The following TRHDE variants were observed in gnomAD, a reference collection of about 807,000 sequenced individuals.
The protein encoded by TRHDE is thyrotropin releasing hormone degrading enzyme.
A neutral mutation model predicts 125.7 loss-of-function variants in TRHDE; 72 were observed. The observed-to-expected ratio is 0.57, with a 90% CI of 0.47 to 0.70. TRHDE has a LOEUF of 0.70. TRHDE is among the 30% of genes least tolerant of loss of function. The probability of loss-of-function intolerance (pLI) is 0.00; values close to 1 mark genes in which losing one functional copy is unlikely to be tolerated. For synonymous variants in TRHDE, 509 were observed against 509.1 expected, an observed-to-expected ratio of 1.00 and a Z score of 0.00; for missense variants, 1,110 against 1,327.1, an observed-to-expected ratio of 0.84 and a Z score of 2.54.
At chr12:72,486,262 C>T (rs914588886) in intron 5 of TRHDE, among the ~76,000 whole-genome samples, 1 of 152,158 alleles carries the variant, frequency 6.6e-6, no homozygotes, top group African/African-American at 2.4e-5. Flanking sequence ...GAAAGTGAAG[C>T]TGCACCTCAA....
At chr12:72,305,916 T>C (rs1351931215) in intron 2 of TRHDE, among the ~76,000 whole-genome samples, 4 of 152,246 alleles carry the variant, frequency 2.6e-5, no homozygotes, top group African/African-American at 9.6e-5. Context: ...CTTGGTGTTC[T>C]ACCTCTCTCT....
chr12:72,289,073 C>A (rs1224707508), intron 2 of TRHDE, among the ~76,000 whole-genome samples: 1 of 152,000 alleles, frequency 6.6e-6, no homozygotes, highest in African/African-American at 2.4e-5. Context: ...ACTGCCTTTC[C>A]CCTTTTATTA....
chr12:72,656,939 A>G lies in TRHDE; in HGVS notation c.2997A>G (p.Ala999=), dbSNP rs1319430466. 2 of 1,608,800 alleles carry G rather than the reference A, an allele frequency of 1.2e-6. No individual in the cohort carries two copies. The change falls in exon 18 of 19, where the codon GCA becomes GCG. Residue 999 remains alanine, a synonymous_variant. Coordinates refer to ENST00000261180, the MANE Select transcript of TRHDE (RefSeq NM_013381.3). ...TTTTTCTTTTGAGGTATGGAGAAGC[A>G]TTGTTTATGAATTCCAAACTCATCA... is the stretch of plus-strand genomic sequence containing the variant. ...WKILNTRYGE[A]LFMNSKLISG...
intron 15 of TRHDE, among the ~76,000 whole-genome samples, chr12:72,638,864 T>C (rs139513119): frequency 0.16 from 23,587 of 152,114 alleles, 2,451 homozygotes; most frequent in East Asian, 0.52. Context: ...GGGTTTCTGC[T>C]GAGAGATCTG....
chr12:72,446,475 A>G (rs891515273), intron 3 of TRHDE, among the ~76,000 whole-genome samples: 3 of 152,068 alleles, frequency 2.0e-5, no homozygotes, highest in Admixed American at 1.3e-4. Context: ...ACCAGCCAAC[A>G]TCATAATGAC....
intron 2 of TRHDE, among the ~76,000 whole-genome samples, chr12:72,177,749 A>T (rs1308630793): frequency 2.0e-5 from 3 of 152,072 alleles, no homozygotes; most frequent in Non-Finnish European, 4.4e-5. Flanking sequence ...TATCCCCCAA[A>T]TGTGTAAAAT....
chr12:72,557,793 A>G (rs1869990535), intron 7 of TRHDE, among the ~76,000 whole-genome samples: 1 of 152,196 alleles, frequency 6.6e-6, no homozygotes, highest in Non-Finnish European at 1.5e-5. Flanking sequence ...AATCGCATAT[A>G]TCCATTCAAG....
At chr12:72,143,110 G>C (rs927157577) in intron 2 of TRHDE, among the ~76,000 whole-genome samples, 5 of 152,130 alleles carry the variant, frequency 3.3e-5, no homozygotes, top group African/African-American at 1.2e-4. Context: ...TAGCACTGGG[G>C]TTGCAGGCAC....
intron 15 of TRHDE, among the ~76,000 whole-genome samples, chr12:72,651,625 A>C (rs2136109491): frequency 6.6e-6 from 1 of 152,176 alleles, no homozygotes; most frequent in South Asian, 2.1e-4. Flanking sequence ...ATATTTAGTA[A>C]GAAAAATCAC....
intron 2 of TRHDE, among the ~76,000 whole-genome samples, chr12:72,342,711 T>C (rs1870137628): frequency 6.6e-6 from 1 of 152,122 alleles, no homozygotes; most frequent in Admixed American, 6.6e-5. Context: ...AAGTTGTACA[T>C]ATAGGAATTA....
chr12:72,374,457 G>A (rs1351363286), intron 2 of TRHDE, among the ~76,000 whole-genome samples: 1 of 151,968 alleles, frequency 6.6e-6, no homozygotes, highest in East Asian at 1.9e-4. Context: ...TAAACTTTTG[G>A]CATCTACATG....
chr12:72,310,912 TC>T (rs1868512996), intron 2 of TRHDE, among the ~76,000 whole-genome samples: 1 of 152,152 alleles, frequency 6.6e-6, no homozygotes, highest in South Asian at 2.1e-4. Flanking sequence ...CATTTGAGCT[TC>T]ATGGAGTATT....
At chr12:72,289,569 A>C (rs1338245205) in intron 2 of TRHDE, among the ~76,000 whole-genome samples, 3 of 152,204 alleles carry the variant, frequency 2.0e-5, no homozygotes, top group Non-Finnish European at 4.4e-5. Flanking sequence ...CTCTTGAAAA[A>C]TGGAAAGCTC....
At chr12:72,639,200 ATTTCT>A (rs1873916169) in intron 15 of TRHDE, among the ~76,000 whole-genome samples, 1 of 150,420 alleles carries the variant, frequency 6.6e-6, no homozygotes, top group African/African-American at 2.4e-5. Flanking sequence ...GGCTTTGCTC[ATTTCT>A]TTTTATTCTT....
intron 1 of TRHDE, among the ~76,000 whole-genome samples, chr12:72,094,804 G>T (rs1215982220): frequency 6.6e-6 from 1 of 152,224 alleles, no homozygotes; most frequent in Non-Finnish European, 1.5e-5. Flanking sequence ...CACACAGTTG[G>T]TGAGTCTGCC....
At chr12:72,178,416 C>T (rs1296091570) in intron 2 of TRHDE, among the ~76,000 whole-genome samples, 1 of 152,044 alleles carries the variant, frequency 6.6e-6, no homozygotes, top group Non-Finnish European at 1.5e-5. Context: ...GTTTAGAACT[C>T]TTAAGAACTG....
intron 2 of TRHDE, among the ~76,000 whole-genome samples, chr12:72,363,302 G>C (rs535571173): frequency 6.2e-5 from 4 of 64,932 alleles, no homozygotes; most frequent in African/African-American, 1.9e-4. Context: ...TACCAAAGCT[G>C]GGCAGAGACA....
At chr12:72,164,097 C>T (rs550467030) in intron 2 of TRHDE, among the ~76,000 whole-genome samples, 45 of 152,104 alleles carry the variant, frequency 3.0e-4, no homozygotes, top group African/African-American at 9.4e-4. Context: ...GTAACAGGAG[C>T]GAAACTCTGT....
rs113060558 is a variant in TRHDE, at chr12:72,181,918, T to C, written n.279+76166T>C. Among the ~76,000 whole-genome samples the C allele has an allele frequency of 3.9e-5, 6 of 152,316 alleles. 1 individual carries two copies. Among genetic ancestry groups the C allele is most frequent in the Admixed American group, 1.3e-4 (2 of 15,304 alleles). Reference sequence around the variant, plus strand: ...TATGTTGTTTTTATAGTTTGCTCAATGGCAACCCACTTTATGACATGATTT... The same window carrying C: ...TATGTTGTTTTTATAGTTTGCTCAACGGCAACCCACTTTATGACATGATTT... On this transcript the variant is annotated intron_variant and non_coding_transcript_variant, in intron 2 of 4. Coordinates refer to the TRHDE transcript ENST00000548156.
Sources: gnomAD v4.1 joint callset for allele counts (sites outside exome capture counted in the v4.1 genomes callset) on GRCh38, gnomAD v4.1.1 for gene constraint, MANE v1.5 for transcripts, NCBI Gene and HGNC (gene_info 2026-07-23, HGNC 2026-07-21) for gene names.